GCLM: variants seen among roughly 807,000 people sequenced by gnomAD.
GCLM encodes glutamate--cysteine ligase regulatory subunit.
In GCLM, 15 loss-of-function variants were observed where a neutral mutation model predicts 36.0. The ratio of observed to expected loss-of-function variants is 0.42; its 90% CI spans 0.28 to 0.64. GCLM has a LOEUF of 0.64. Ranked by LOEUF, GCLM falls within the 30% of genes least tolerant of loss-of-function variation. The pLI is 0.25. For synonymous variants in GCLM, 129 were observed against 122.8 expected (o/e 1.05, Z -0.34); for missense variants, 242 against 325.5 (o/e 0.74, Z 1.97).
chr1:93,909,355 C>T lies in GCLM; in HGVS notation c.-192G>A, dbSNP rs1448476505. On this transcript the variant is annotated 5_prime_UTR_variant, in exon 1 of 7. Transcript: ENST00000370238. ...AGGCCGGACGGCGGCTGGGCGGCGGCGGGAAAGGAAGGCACCGGTGGCTGC... is the reference window on the plus strand; with the variant it reads ...AGGCCGGACGGCGGCTGGGCGGCGGTGGGAAAGGAAGGCACCGGTGGCTGC... 3.9e-6 allele frequency: 4 copies of T among 1,014,200 alleles called. No homozygotes were observed. Among genetic ancestry groups the T allele is most frequent in the Non-Finnish European group, 2.4e-6 (2 of 847,510 alleles). 62.8% of individuals were successfully genotyped at this position (1,014,200 alleles called of 1,614,324 possible). A position where few individuals can be genotyped will look rare whatever the true frequency, so the allele number is the denominator to read the frequency against.
At chr1:93,895,402 T>A (rs17885006) in intron 5 of GCLM, among the ~76,000 whole-genome samples, 6,684 of 152,214 alleles carry the variant, frequency 0.044, 196 homozygotes, top group Non-Finnish European at 0.064. Flanking sequence ...TTTTTGTTAG[T>A]TTGTTAAGTG....
At chr1:93,908,408 G>A (rs1657225587) in intron 1 of GCLM, among the ~76,000 whole-genome samples, 1 of 152,138 alleles carries the variant, frequency 6.6e-6, no homozygotes, top group Non-Finnish European at 1.5e-5. Context: ...TCTGTTACAT[G>A]CATAGAATGT....
intron 3 of GCLM, among the ~76,000 whole-genome samples, chr1:93,898,241 T>C (rs1656804553): frequency 7.1e-6 from 1 of 140,398 alleles, no homozygotes; most frequent in Non-Finnish European, 1.5e-5. Context: ...ACATTATATA[T>C]TCTCCAATAA....
intron 5 of GCLM, among the ~76,000 whole-genome samples, chr1:93,896,350 A>C: frequency 6.6e-6 from 1 of 152,198 alleles, no homozygotes; most frequent in East Asian, 1.9e-4. Context: ...ATGTTTTAAC[A>C]CACATCTTCT....
At chr1:93,897,090 C>T (rs1327752132) in intron 4 of GCLM, among the ~76,000 whole-genome samples, 2 of 152,206 alleles carry the variant, frequency 1.3e-5, no homozygotes, top group African/African-American at 4.8e-5. Context: ...ACTACATGCT[C>T]CTCTTTCTAG....
At chr1:93,897,786 C>T (rs753228694) in intron 4 of GCLM, 53 bp downstream of exon 4, 8 of 877,144 alleles carry the variant, frequency 9.1e-6, no homozygotes, top group Non-Finnish European at 1.1e-5. Flanking sequence ...AACTAATACA[C>T]CTATACTAAT....
intron 4 of GCLM, 78 bp from the exon 5 acceptor site, chr1:93,896,898 C>A: frequency 1.2e-6 from 1 of 804,222 alleles, no homozygotes; most frequent in South Asian, 1.5e-5. Flanking sequence ...CAAAGTATCC[C>A]ACTGAATTCT....
chr1:93,907,418 T>C (rs1657183138), intron 1 of GCLM, among the ~76,000 whole-genome samples: 2 of 152,182 alleles, frequency 1.3e-5, no homozygotes, highest in Admixed American at 6.5e-5. Flanking sequence ...AAAATCAGAA[T>C]ATACGGTATA....
intron 3 of GCLM, among the ~76,000 whole-genome samples, chr1:93,899,200 A>G (rs1470386238): frequency 6.6e-6 from 1 of 152,026 alleles, no homozygotes; most frequent in Admixed American, 6.5e-5. Context: ...CAGCCACCCA[A>G]GTAGCTGGGA....
At chr1:93,896,187 T>C (rs1213817941) in intron 5 of GCLM, among the ~76,000 whole-genome samples, 1 of 152,012 alleles carries the variant, frequency 6.6e-6, no homozygotes, top group African/African-American at 2.4e-5. Flanking sequence ...GGTCTCGAAC[T>C]CCTGACCTCA....
At position 93,907,049 on chromosome 1, in the gene GCLM, C is replaced by T. The variant is rs549891129; in HGVS notation, c.126+1989G>A. Among the ~76,000 whole-genome samples, 5 of 152,318 alleles carry T rather than the reference C, an allele frequency of 3.3e-5. No homozygotes were observed. The South Asian group carries it at 1.0e-3, about 32-fold the overall frequency. ...AACTGAACTCTTGACCCAACACGTA[C>T]ATTTTCTCAAAAATAAGTGATTTGT... On this transcript the variant is annotated intron_variant, in intron 1 of 6. Coordinates refer to ENST00000370238, the MANE Select transcript of GCLM (RefSeq NM_002061.4).
In GCLM at chr1:93,901,589, A is replaced by C; in HGVS notation, c.273T>G (p.Val91=). Residue 91 remains valine (V), a synonymous_variant, in exon 3 of 7, where the codon GTT becomes GTG. Transcript: ENST00000370238. ...ACAGAAAAGACTGGACTTTACCAGA[A>C]ACTTTCATTTCTTCTCTTTCATCAG... is the stretch of plus-strand genomic sequence containing the variant. The part of the protein sequence containing the change: ...INPDEREEMK[V]SAKLFIVESN... The C allele has an allele frequency of 6.6e-7, 1 of 1,517,316 alleles. No homozygotes were observed. Among genetic ancestry groups the C allele is most frequent in the South Asian group, 1.1e-5 (1 of 88,114 alleles). The allele number at this position is 1,517,316 out of a possible 1,614,324, so 94.0% of individuals were successfully genotyped here.
chr1:93,900,302 G>C (rs745380421), intron 3 of GCLM, among the ~76,000 whole-genome samples: 9 of 152,066 alleles, frequency 5.9e-5, no homozygotes, highest in Non-Finnish European at 1.0e-4. Flanking sequence ...GGTAGAAAGA[G>C]GAAAGCTCTT....
Position 93,885,498 on chromosome 1 carries a change from A to G in GCLM, c.*3492T>C, listed in dbSNP as rs976592705. 2.8e-5 allele frequency: 4 copies of G among 140,622 alleles called. No homozygotes were observed. Among genetic ancestry groups the G allele is most frequent in the Non-Finnish European group, 4.8e-5 (3 of 63,120 alleles). 8.7% of individuals were successfully genotyped at this position (140,622 alleles called of 1,614,324 possible). A position where few individuals can be genotyped will look rare whatever the true frequency, so the allele number is the denominator to read the frequency against. On this transcript the variant is annotated 3_prime_UTR_variant, in exon 7 of 7. Coordinates refer to ENST00000370238, the MANE Select transcript of GCLM (RefSeq NM_002061.4). ...CTATGTTTCTAATTCTGAAAACTATAAAAATATTAAAGTCATGTTACATAT... is the reference window on the plus strand; with the variant it reads ...CTATGTTTCTAATTCTGAAAACTATGAAAATATTAAAGTCATGTTACATAT...
intron 3 of GCLM, 38 bp downstream of exon 3, chr1:93,901,547 G>A (rs1182069766): frequency 1.9e-6 from 2 of 1,042,296 alleles, no homozygotes; most frequent in Admixed American, 1.9e-5. Context: ...TATCGCTTCC[G>A]CTATGTAACA....
chr1:93,903,963 A>G (rs886356735), intron 2 of GCLM, among the ~76,000 whole-genome samples: 2 of 152,248 alleles, frequency 1.3e-5, no homozygotes, highest in African/African-American at 4.8e-5. Context: ...ACATGGTTGC[A>G]GTATGCCCAG....
rs7549683 is a variant in GCLM at position 93,887,893 on chromosome 1, G to A, written c.*1097C>T. 1.1e-4 allele frequency: 16 copies of A among 151,980 alleles called. No homozygotes were observed. Among genetic ancestry groups the A allele is most frequent in the Non-Finnish European group, 1.9e-4 (13 of 67,988 alleles). The allele number at this position is 151,980 out of a possible 1,614,324, so 9.4% of individuals were successfully genotyped here. ...TTATTTATTTGCAATTTTGTGGTTC[G>A]TAAACTAATGAAGAATTATACTAAA... On this transcript the variant is annotated 3_prime_UTR_variant, in exon 7 of 7. Transcript: ENST00000370238.
intron 6 of GCLM, among the ~76,000 whole-genome samples, chr1:93,893,699 C>T (rs889497624): frequency 6.6e-6 from 1 of 152,128 alleles, no homozygotes; most frequent in Non-Finnish European, 1.5e-5. Context: ...TAGTAATATA[C>T]ATTACTTAAT....
At chr1:93,903,831 G>A (rs1210910479) in intron 2 of GCLM, among the ~76,000 whole-genome samples, 2 of 152,102 alleles carry the variant, frequency 1.3e-5, no homozygotes, top group African/African-American at 4.8e-5. Flanking sequence ...TTCACAGCAC[G>A]TATCAGGGGT....
Sources: gnomAD v4.1 joint callset for allele counts (sites outside exome capture counted in the v4.1 genomes callset) on GRCh38, gnomAD v4.1.1 for gene constraint, MANE v1.5 for transcripts, NCBI Gene and HGNC (gene_info 2026-07-23, HGNC 2026-07-21) for gene names.